Variants in ERGIC2 observed in about 807,000 individuals in gnomAD.
ERGIC2 encodes the protein ERGIC and golgi 2.
Under a neutral mutation model 52.5 loss-of-function variants are expected in ERGIC2, and 31 were observed. That is an observed-to-expected ratio of 0.59 (90% CI 0.44 to 0.80). ERGIC2 has a LOEUF of 0.80. ERGIC2 is among the 30% of genes least tolerant of loss of function. The probability of loss-of-function intolerance (pLI) is 0.00; values close to 1 mark genes in which losing one functional copy is unlikely to be tolerated. For missense variants in ERGIC2, 395 were observed against 455.2 expected (o/e 0.87, Z 1.20); for synonymous variants, 129 against 140.6 (o/e 0.92, Z 0.58).
intron 1 of ERGIC2, among the ~76,000 whole-genome samples, chr12:29,378,244 C>T (rs1396251131): frequency 6.6e-6 from 1 of 152,122 alleles, no homozygotes; most frequent in African/African-American, 2.4e-5. Context: ...GATGTGTCTA[C>T]AAACCCAGGC....
At chr12:29,358,472 A>G (rs867283691) in intron 6 of ERGIC2, among the ~76,000 whole-genome samples, 1 of 152,140 alleles carries the variant, frequency 6.6e-6, no homozygotes, top group Admixed American at 6.6e-5. Context: ...GTCCTTATAC[A>G]TTTGTCAGAA....
rs760603233 is a variant in ERGIC2 at position 29,341,832 on chromosome 12, AG to A, written c.989-17del. 12 of 1,204,384 alleles carry A rather than the reference AG, an allele frequency of 1.0e-5. No individual in the cohort carries two copies. The South Asian group carries it at 1.5e-4, about 15-fold the overall frequency. 74.6% of individuals were successfully genotyped at this position (1,204,384 alleles called of 1,614,324 possible). On this transcript the variant is annotated splice_polypyrimidine_tract_variant and intron_variant, in intron 12 of 13. Coordinates refer to ENST00000360150, the MANE Select transcript of ERGIC2 (RefSeq NM_016570.3). Reference sequence around the variant, plus strand: ...TGTAACATGCCTGTAATAAACAATAAGTTTATGCTTTTAATTATTTCCTAAA... The same window carrying A: ...TGTAACATGCCTGTAATAAACAATAATTTATGCTTTTAATTATTTCCTAAA...
At chr12:29,368,095 C>T (rs1001569201) in intron 4 of ERGIC2, 146 bp downstream of exon 4, 80 of 621,120 alleles carry the variant, frequency 1.3e-4, no homozygotes, top group Non-Finnish European at 3.1e-5. Context: ...AGGAGTAAAA[C>T]AATTTGTATT....
In ERGIC2 at chr12:29,361,672, A is replaced by C. The variant is rs758330332; in HGVS notation, c.347T>G (p.Leu116Arg). 1.2e-6 allele frequency: 2 copies of C among 1,606,114 alleles called. No individual in the cohort carries two copies. The highest frequency in any genetic ancestry group is 2.2e-5 in the South Asian group (2 of 89,358). ...CTGCCACTCTTTCTGCTGTGGTGAA[A>C]GATCAAATACTGTCTGAAATGAAAG... ...GLVYEPTVFD[L>R]SPQQKEWQRM... The change falls in exon 6 of 14, where the codon CTT (leucine) becomes CGT (arginine). Residue 116 changes from leucine to arginine, a missense_variant. By Grantham distance (102) the Leu-to-Arg change is moderately radical (BLOSUM62 -2). Transcript: ENST00000360150.
intron 10 of ERGIC2, among the ~76,000 whole-genome samples, chr12:29,346,662 AAAG>A (rs1940056553): frequency 6.6e-6 from 1 of 152,220 alleles, no homozygotes; most frequent in Non-Finnish European, 1.5e-5. Context: ...GAAGAAAACT[AAAG>A]AAACTACTCA....
At chr12:29,344,194 A>G (rs1940009163) in intron 11 of ERGIC2, among the ~76,000 whole-genome samples, 1 of 152,140 alleles carries the variant, frequency 6.6e-6, no homozygotes, top group African/African-American at 2.4e-5. Flanking sequence ...ATCTTCTACT[A>G]TTACAGATAA....
intron 4 of ERGIC2, 31 bp downstream of exon 4, chr12:29,368,210 T>C: frequency 1.4e-6 from 2 of 1,404,130 alleles, no homozygotes; most frequent in South Asian, 1.2e-5. Context: ...ATAACCTACA[T>C]GTGGATTCAG....
intron 6 of ERGIC2, among the ~76,000 whole-genome samples, chr12:29,360,645 T>G (rs536723456): frequency 1.3e-4 from 19 of 148,068 alleles, no homozygotes; most frequent in African/African-American, 4.2e-4. Flanking sequence ...AGAATTATCA[T>G]AATTTTGTAT....
rs755821789 is a variant in ERGIC2, at chr12:29,366,937, C to T, written c.273G>A (p.Ala91=). 17 of 1,595,656 alleles carry T rather than the reference C, an allele frequency of 1.1e-5. No individual in the cohort carries two copies. The highest frequency in any genetic ancestry group is 4.5e-5 in the East Asian group (2 of 44,272). The part of the protein sequence containing the change: ...TVAMKCQYVG[A]DVLDLAETMV... ...TTGTTTCTGCTAAATCCAATACATC[C>T]GCTCCAACATCTGCATAGAAAAAAG... is the stretch of plus-strand genomic sequence containing the variant. The change falls in exon 5 of 14, where the codon GCG becomes GCA. Residue 91 remains alanine (A), a synonymous_variant. Transcript: ENST00000360150.
intron 1 of ERGIC2, among the ~76,000 whole-genome samples, chr12:29,375,340 T>C (rs1940500987): frequency 6.6e-6 from 1 of 152,208 alleles, no homozygotes; most frequent in Non-Finnish European, 1.5e-5. Flanking sequence ...GTATCTCCAA[T>C]GCCTAGCGAA....
intron 5 of ERGIC2, 58 bp downstream of exon 5, chr12:29,366,819 T>C: frequency 9.8e-7 from 1 of 1,020,294 alleles, no homozygotes; most frequent in Non-Finnish European, 1.5e-6. Context: ...ACTATCTGTC[T>C]TCAAGCGTAC....
chr12:29,363,158 A>G (rs982449468), intron 5 of ERGIC2, among the ~76,000 whole-genome samples: 2 of 152,212 alleles, frequency 1.3e-5, no homozygotes, highest in African/African-American at 4.8e-5. Context: ...ACAGATAGTA[A>G]GTAACAACCA....
At chr12:29,347,532 G>A (rs1243892355) in intron 10 of ERGIC2, among the ~76,000 whole-genome samples, 4 of 152,048 alleles carry the variant, frequency 2.6e-5, no homozygotes, top group East Asian at 1.9e-4. Context: ...GTTCAGAGCC[G>A]TTTGCCCTAA....
intron 7 of ERGIC2, among the ~76,000 whole-genome samples, chr12:29,356,780 CAT>C (rs1279365859): frequency 1.3e-5 from 2 of 151,954 alleles, no homozygotes; most frequent in African/African-American, 4.8e-5. Context: ...TCCAAAAAGA[CAT>C]ATTTTTTTCA....
intron 5 of ERGIC2, among the ~76,000 whole-genome samples, chr12:29,364,477 A>G (rs2136870967): frequency 6.6e-6 from 1 of 152,192 alleles, no homozygotes; most frequent in South Asian, 2.1e-4. Flanking sequence ...AAAGATTTAA[A>G]TGACCTTAAA....
intron 5 of ERGIC2, among the ~76,000 whole-genome samples, chr12:29,365,739 T>C (rs1007238589): frequency 2.0e-5 from 3 of 151,076 alleles, no homozygotes; most frequent in Non-Finnish European, 4.4e-5. Flanking sequence ...GTAATACAAA[T>C]ATTAAAATAT....
intron 10 of ERGIC2, 145 bp from the exon 11 acceptor site, chr12:29,345,685 A>T: frequency 1.6e-6 from 1 of 627,850 alleles, no homozygotes. Flanking sequence ...AGGCTGACGA[A>T]GGAGGACTGC....
intron 6 of ERGIC2, among the ~76,000 whole-genome samples, 180 bp downstream of exon 6, chr12:29,361,465 T>C (rs1940285901): frequency 6.6e-6 from 1 of 152,244 alleles, no homozygotes; most frequent in Non-Finnish European, 1.5e-5. Flanking sequence ...GAAAAGATTA[T>C]GCATGACTTT....
chr12:29,347,893 C>T (rs566524643), intron 10 of ERGIC2, among the ~76,000 whole-genome samples: 5 of 152,206 alleles, frequency 3.3e-5, no homozygotes, highest in East Asian at 3.9e-4. Context: ...TAAAGAAGTA[C>T]ACTTAAAAAC....
Sources: gnomAD v4.1 joint callset for allele counts (sites outside exome capture counted in the v4.1 genomes callset) on GRCh38, gnomAD v4.1.1 for gene constraint, MANE v1.5 for transcripts, NCBI Gene and HGNC (gene_info 2026-07-23, HGNC 2026-07-21) for gene names.